Variants in KCNMA1 observed in about 807,000 individuals in gnomAD.
KCNMA1 encodes the protein potassium calcium-activated channel subfamily M alpha 1.
Under a neutral mutation model 140.0 loss-of-function variants are expected in KCNMA1, and 29 were observed. The observed-to-expected ratio is 0.21, with a 90% confidence interval of 0.15 to 0.28. The LOEUF is 0.28. Ranked by LOEUF, KCNMA1 falls within the 10% of genes least tolerant of loss-of-function variation. KCNMA1 has a pLI of 1.00. For missense variants in KCNMA1, 880 were observed against 1,602.2 expected, an observed-to-expected ratio of 0.55 and a Z score of 7.70; for synonymous variants, 612 against 611.9, an observed-to-expected ratio of 1.00 and a Z score of 0.00.
chr10:77,184,734 A>T, intron 4 of KCNMA1, 89 bp downstream of exon 4: 1 of 858,756 alleles, frequency 1.2e-6, no homozygotes. Flanking sequence ...AAATATCTTG[A>T]CTGCGAGAGC....
At chr10:77,059,193 A>G (rs910868238) in intron 14 of KCNMA1, among the ~76,000 whole-genome samples, 2 of 152,062 alleles carry the variant, frequency 1.3e-5, no homozygotes, top group Non-Finnish European at 2.9e-5. Context: ...CATTGAAGAC[A>G]TTGAATTTGT....
chr10:77,160,656 C>A (rs1449549613), intron 5 of KCNMA1, among the ~76,000 whole-genome samples: 2 of 152,232 alleles, frequency 1.3e-5, no homozygotes, highest in African/African-American at 4.8e-5. Context: ...TTGCCCATAT[C>A]TGCCAATTCA....
intron 1 of KCNMA1, among the ~76,000 whole-genome samples, chr10:77,547,352 C>T (rs7907504): frequency 0.17 from 25,670 of 152,134 alleles, 2,400 homozygotes; most frequent in African/African-American, 0.24. Context: ...ATGAACAGAA[C>T]GGCTCCGTTA....
chr10:76,937,251 T>C (rs1448959932), intron 23 of KCNMA1, among the ~76,000 whole-genome samples: 3 of 152,230 alleles, frequency 2.0e-5, no homozygotes, highest in Non-Finnish European at 4.4e-5. Flanking sequence ...GAGCAGAAGA[T>C]TAAATGGCCC....
chr10:77,164,269 C>T (rs2098607218), intron 5 of KCNMA1, among the ~76,000 whole-genome samples: 1 of 152,124 alleles, frequency 6.6e-6, no homozygotes. Context: ...TGGGAGTATA[C>T]CTGGGGGTTT....
intron 1 of KCNMA1, among the ~76,000 whole-genome samples, chr10:77,456,691 C>G (rs2097767875): frequency 6.6e-6 from 1 of 152,168 alleles, no homozygotes; most frequent in Admixed American, 6.5e-5. Flanking sequence ...AGACCAGGAT[C>G]CACATCCATG....
intron 20 of KCNMA1, among the ~76,000 whole-genome samples, chr10:76,966,421 A>G (rs1308110223): frequency 3.3e-5 from 5 of 152,194 alleles, no homozygotes; most frequent in Admixed American, 3.3e-4. Flanking sequence ...GAATCCATTA[A>G]CCTGCTTCAA....
intron 1 of KCNMA1, among the ~76,000 whole-genome samples, chr10:77,429,056 T>A (rs1453964125): frequency 1.3e-5 from 2 of 152,134 alleles, no homozygotes; most frequent in South Asian, 2.1e-4. Flanking sequence ...TATATAGATA[T>A]ATAGATATAT....
At chr10:76,880,733 G>A (rs954217569), downstream of KCNMA1, among the ~76,000 whole-genome samples, 2 of 152,164 alleles carry the variant, frequency 1.3e-5, no homozygotes, top group African/African-American at 2.4e-5. Flanking sequence ...AATTGACCAC[G>A]AGGAAGAGGA....
intron 1 of KCNMA1, among the ~76,000 whole-genome samples, chr10:77,539,928 C>T (rs1386437975): frequency 6.6e-6 from 1 of 152,320 alleles, no homozygotes; most frequent in East Asian, 1.9e-4. Flanking sequence ...CTCTCCTACC[C>T]ACCACTCTGG....
intron 2 of KCNMA1, among the ~76,000 whole-genome samples, chr10:77,345,047 G>T (rs567508057): frequency 4.6e-5 from 7 of 152,170 alleles, no homozygotes; most frequent in Non-Finnish European, 8.8e-5. Flanking sequence ...CTTGCTCAAG[G>T]TTATACAGAT....
chr10:76,897,511 A>G (rs1181102435), intron 25 of KCNMA1, among the ~76,000 whole-genome samples: 1 of 152,068 alleles, frequency 6.6e-6, no homozygotes, highest in Non-Finnish European at 1.5e-5. Flanking sequence ...ATATAGTTAA[A>G]TTGCCAATAA....
intron 18 of KCNMA1, among the ~76,000 whole-genome samples, chr10:77,008,373 A>G (rs572933670): frequency 4.7e-4 from 72 of 152,358 alleles, no homozygotes; most frequent in African/African-American, 1.6e-3. Flanking sequence ...GTCTGGGGGA[A>G]GAAATGTAAA....
At chr10:76,996,188 G>A (rs182902489) in intron 19 of KCNMA1, among the ~76,000 whole-genome samples, 8 of 152,292 alleles carry the variant, frequency 5.3e-5, no homozygotes, top group East Asian at 3.9e-4. Flanking sequence ...TGACAGATGA[G>A]CGATGTAAAG....
chr10:77,216,673 G>A (rs1305050693), intron 3 of KCNMA1, among the ~76,000 whole-genome samples: 1 of 152,182 alleles, frequency 6.6e-6, no homozygotes, highest in East Asian at 1.9e-4. Flanking sequence ...ACCAGCTTCT[G>A]AAGGCTTCTA....
intron 2 of KCNMA1, among the ~76,000 whole-genome samples, chr10:77,368,799 T>TTCTCCA (rs1303022583): frequency 9.8e-5 from 15 of 152,366 alleles, no homozygotes; most frequent in African/African-American, 2.9e-4. Flanking sequence ...AAAAGACTCC[T>TTCTCCA]TCTCCATTGA....
At chr10:76,979,077 G>A (rs1478014944) in intron 19 of KCNMA1, among the ~76,000 whole-genome samples, 1 of 152,050 alleles carries the variant, frequency 6.6e-6, no homozygotes, top group African/African-American at 2.4e-5. Flanking sequence ...TTCCAGCCCT[G>A]AACACCATTT....
chr10:77,134,346 T>G (rs908631319), intron 5 of KCNMA1, among the ~76,000 whole-genome samples: 1 of 151,758 alleles, frequency 6.6e-6, no homozygotes, highest in Non-Finnish European at 1.5e-5. Flanking sequence ...AGCATGTATG[T>G]AAAATACTTT....
At chr10:77,209,691 A>G (rs1377406003) in intron 3 of KCNMA1, among the ~76,000 whole-genome samples, 1 of 152,210 alleles carries the variant, frequency 6.6e-6, no homozygotes, top group Non-Finnish European at 1.5e-5. Flanking sequence ...GAAGATTCAA[A>G]TAAGTGCAAT....
Sources: allele counts gnomAD v4.1 joint callset (sites outside exome capture counted in the v4.1 genomes callset), GRCh38; gene constraint gnomAD v4.1.1; transcripts MANE v1.5; gene names NCBI Gene and HGNC (gene_info 2026-07-23, HGNC 2026-07-21).